Variants in SGCZ observed in about 807,000 individuals in gnomAD.
The protein encoded by SGCZ is sarcoglycan zeta, also known as zeta-sarcoglycan.
SGCZ carries 40 observed loss-of-function variants against 41.3 expected under a neutral mutation model. The observed-to-expected ratio is 0.97, with a 90% CI of 0.75 to 1.26. The LOEUF (loss-of-function observed/expected upper bound fraction) is 1.26, where lower values mean the gene tolerates loss of function less well. Among genes scored for constraint, SGCZ ranks in the 50% most tolerant of loss-of-function variants. The probability of loss-of-function intolerance (pLI) is 0.00; values close to 1 mark genes in which losing one functional copy is unlikely to be tolerated. For missense variants in SGCZ, 552 were observed against 369.8 expected (o/e 1.49, Z -4.04); for synonymous variants, 206 against 137.5 (o/e 1.50, Z -3.49).
intron 1 of SGCZ, among the ~76,000 whole-genome samples, chr8:14,938,728 T>C (rs1260606488): frequency 2.0e-5 from 3 of 152,150 alleles, no homozygotes; most frequent in African/African-American, 7.2e-5. Flanking sequence ...GAGGCCATTA[T>C]TCTAAGTGAA....
intron 1 of SGCZ, among the ~76,000 whole-genome samples, chr8:14,962,239 C>T (rs187731592): frequency 6.6e-6 from 1 of 152,048 alleles, no homozygotes; most frequent in Admixed American, 6.6e-5. Flanking sequence ...CTGAAGACTT[C>T]TCATATAGAC....
chr8:14,544,480 G>A (rs549697256), intron 2 of SGCZ, among the ~76,000 whole-genome samples: 1 of 152,214 alleles, frequency 6.6e-6, no homozygotes, highest in Admixed American at 6.5e-5. Flanking sequence ...CCTATAAACG[G>A]ACGTGCAAGT....
At chr8:14,193,021 A>G (rs188500841) in intron 4 of SGCZ, among the ~76,000 whole-genome samples, 22 of 151,972 alleles carry the variant, frequency 1.4e-4, no homozygotes, top group Admixed American at 1.0e-3. Context: ...AATTATGGTT[A>G]TATTGGCAGA....
At chr8:14,787,719 G>A (rs944961049) in intron 1 of SGCZ, among the ~76,000 whole-genome samples, 16 of 152,016 alleles carry the variant, frequency 1.1e-4, no homozygotes, top group African/African-American at 2.2e-4. Flanking sequence ...GGTGGCACAC[G>A]CCTGTGATCC....
At chr8:14,573,678 C>G (rs1227723975) in intron 1 of SGCZ, among the ~76,000 whole-genome samples, 1 of 152,032 alleles carries the variant, frequency 6.6e-6, no homozygotes, top group Admixed American at 6.6e-5. Flanking sequence ...CAATTTCCAG[C>G]ATCAGTGTAA....
chr8:14,841,210 T>C (rs1372440305), intron 1 of SGCZ, among the ~76,000 whole-genome samples: 1 of 152,124 alleles, frequency 6.6e-6, no homozygotes, highest in Non-Finnish European at 1.5e-5. Flanking sequence ...CTAAATGTTA[T>C]GGGCTGTATC....
At chr8:14,696,967 A>C (rs1339537801) in intron 1 of SGCZ, among the ~76,000 whole-genome samples, 1 of 152,056 alleles carries the variant, frequency 6.6e-6, no homozygotes, top group Non-Finnish European at 1.5e-5. Context: ...TAAAGTTAAA[A>C]AAAAACATAG....
intron 3 of SGCZ, among the ~76,000 whole-genome samples, chr8:14,268,593 A>G (rs1428859138): frequency 1.3e-5 from 2 of 151,968 alleles, no homozygotes; most frequent in Admixed American, 6.6e-5. Flanking sequence ...AGTATTGGTT[A>G]TACTTTACAT....
chr8:14,687,301 G>C (rs998105576), intron 1 of SGCZ, among the ~76,000 whole-genome samples: 2 of 150,246 alleles, frequency 1.3e-5, no homozygotes, highest in African/African-American at 2.5e-5. Context: ...CCATTAACTC[G>C]TCATTTAGCA....
chr8:14,352,292 A>G (rs1477845406), intron 2 of SGCZ, among the ~76,000 whole-genome samples: 2 of 152,094 alleles, frequency 1.3e-5, no homozygotes, highest in Non-Finnish European at 2.9e-5. Context: ...GGAAAAGAGG[A>G]GAGAAGTAAC....
chr8:15,193,246 T>A (rs1387637406), intron 1 of SGCZ, among the ~76,000 whole-genome samples: 2 of 152,096 alleles, frequency 1.3e-5, no homozygotes, highest in African/African-American at 2.4e-5. Flanking sequence ...TAGAAGACTA[T>A]AATTATCAAA....
rs554858329 is a variant in SGCZ, at chr8:14,613,215, T to C, written c.40-58289A>G. On this transcript the variant is annotated intron_variant, in intron 1 of 7. Transcript: ENST00000382080. ...AGAGGTCACAACATAATTTTTATAA[T>C]GTTTTAAATAGTATGAAAGTTTATG... 6.6e-5 allele frequency among the ~76,000 whole-genome samples: 10 copies of C among 152,290 alleles called. 1 individual carries two copies. The South Asian group carries it at 2.1e-3, about 32-fold the overall frequency.
intron 1 of SGCZ, among the ~76,000 whole-genome samples, chr8:14,864,108 A>C (rs765658693): frequency 2.6e-5 from 4 of 152,144 alleles, no homozygotes; most frequent in Non-Finnish European, 4.4e-5. Flanking sequence ...CATATTCTTG[A>C]ACTAGATGCT....
intron 1 of SGCZ, among the ~76,000 whole-genome samples, chr8:14,776,867 A>G (rs1016699045): frequency 6.6e-6 from 1 of 152,198 alleles, no homozygotes; most frequent in Admixed American, 6.5e-5. Context: ...AAAATACTGA[A>G]ATAAATTAAA....
rs542350263 is a variant in SGCZ at position 14,832,537 on chromosome 8, T to G, written c.40-277611A>C. On this transcript the variant is annotated intron_variant, in intron 1 of 7. Transcript: ENST00000382080. The stretch of plus-strand genomic sequence containing the variant: ...GTGAATCTTTTCCTTCTGTGTAAAT[T>G]TGTAATTGAAGATAGAAAAAGCTAA... 2.8e-4 allele frequency among the ~76,000 whole-genome samples: 43 copies of G among 152,278 alleles called. No individual in the cohort carries two copies. The East Asian group carries it at 4.6e-3, about 16-fold the overall frequency.
intron 1 of SGCZ, among the ~76,000 whole-genome samples, chr8:14,651,561 T>A (rs1158252255): frequency 2.0e-4 from 31 of 152,072 alleles, no homozygotes; most frequent in Admixed American, 2.0e-3. Context: ...TTTCTTAATC[T>A]TTTTTTCTTC....
chr8:14,962,574 T>C (rs1800998059), intron 1 of SGCZ, among the ~76,000 whole-genome samples: 1 of 152,200 alleles, frequency 6.6e-6, no homozygotes, highest in African/African-American at 2.4e-5. Flanking sequence ...ATTAGTTAAA[T>C]ATAAACATAT....
chr8:15,204,533 T>A (rs1454083980), intron 1 of SGCZ, among the ~76,000 whole-genome samples: 1 of 152,198 alleles, frequency 6.6e-6, no homozygotes, highest in African/African-American at 2.4e-5. Flanking sequence ...TCTGCTTCAC[T>A]GGAAATTGTG....
intron 2 of SGCZ, among the ~76,000 whole-genome samples, chr8:14,462,390 A>G (rs1197769193): frequency 6.6e-6 from 1 of 151,980 alleles, no homozygotes; most frequent in Non-Finnish European, 1.5e-5. Context: ...TAACCATACT[A>G]TTTAGTGTTG....
Sources: allele counts gnomAD v4.1 joint callset (sites outside exome capture counted in the v4.1 genomes callset), GRCh38; gene constraint gnomAD v4.1.1; transcripts MANE v1.5; gene names NCBI Gene and HGNC (gene_info 2026-07-23, HGNC 2026-07-21).